The following ZPBP variants were observed in gnomAD, a reference collection of about 807,000 sequenced individuals.
The protein encoded by ZPBP is zona pellucida binding protein.
Under a neutral mutation model 44.8 loss-of-function variants are expected in ZPBP, and 26 were observed. That is an observed-to-expected ratio of 0.58 (90% CI 0.43 to 0.81). The LOEUF (loss-of-function observed/expected upper bound fraction) is 0.81. Ranked by LOEUF, ZPBP falls within the 30% of genes least tolerant of loss-of-function variation. ZPBP has a pLI of 0.00. For synonymous variants in ZPBP, 174 were observed against 153.2 expected (o/e 1.14, Z -1.00); for missense variants, 409 against 434.0 (o/e 0.94, Z 0.51).
At chr7:50,002,766 G>C (rs1417790696) in intron 6 of ZPBP, among the ~76,000 whole-genome samples, 1 of 152,152 alleles carries the variant, frequency 6.6e-6, no homozygotes, top group East Asian at 1.9e-4. Flanking sequence ...TACTTTAGAA[G>C]TCATAAAAGC....
chr7:49,888,836 G>A (rs1325666082), intron 2 of ZPBP, among the ~76,000 whole-genome samples: 1 of 152,082 alleles, frequency 6.6e-6, no homozygotes, highest in Non-Finnish European at 1.5e-5. Context: ...GCTTGAACTC[G>A]GGAGGCGGAG....
chr7:50,086,213 A>G (rs1399824107), intron 2 of ZPBP, among the ~76,000 whole-genome samples: 1 of 152,112 alleles, frequency 6.6e-6, no homozygotes, highest in East Asian at 1.9e-4. Flanking sequence ...AAACAGCAAC[A>G]ACATCACACT....
intron 1 of ZPBP, among the ~76,000 whole-genome samples, chr7:50,091,251 T>C (rs1438395612): frequency 6.6e-6 from 1 of 152,196 alleles, no homozygotes; most frequent in Non-Finnish European, 1.5e-5. Context: ...GATGTATATA[T>C]TGTGAAGGTT....
chr7:50,005,867 G>A (rs1798288569), intron 6 of ZPBP, among the ~76,000 whole-genome samples: 1 of 136,186 alleles, frequency 7.3e-6, no homozygotes, highest in South Asian at 2.3e-4. Flanking sequence ...GTGTGTGTGT[G>A]TTTTGCCTAC....
intron 3 of ZPBP, among the ~76,000 whole-genome samples, chr7:50,072,734 A>G (rs1801908500): frequency 6.6e-6 from 1 of 152,268 alleles, no homozygotes; most frequent in African/African-American, 2.4e-5. Context: ...AAGACCATCA[A>G]GGTAATACCT....
At chr7:49,893,330 T>C (rs1268971155) in intron 2 of ZPBP, among the ~76,000 whole-genome samples, 1 of 152,208 alleles carries the variant, frequency 6.6e-6, no homozygotes, top group Admixed American at 6.5e-5. Context: ...TATTCCTGCA[T>C]AGCACTCCCT....
chr7:49,855,774 C>A (rs1291044670), intron 2 of ZPBP, among the ~76,000 whole-genome samples: 1 of 152,170 alleles, frequency 6.6e-6, no homozygotes, highest in East Asian at 1.9e-4. Context: ...CAGAAGCCAG[C>A]CCAGCCCTCC....
intron 6 of ZPBP, among the ~76,000 whole-genome samples, chr7:50,014,323 G>T (rs756921988): frequency 6.6e-6 from 1 of 151,938 alleles, no homozygotes; most frequent in Non-Finnish European, 1.5e-5. Context: ...ACAAAAAATC[G>T]AAGTTAAAAA....
intron 2 of ZPBP, among the ~76,000 whole-genome samples, chr7:50,088,872 G>C (rs1802802097): frequency 7.2e-6 from 1 of 138,192 alleles, no homozygotes; most frequent in African/African-American, 2.8e-5. Flanking sequence ...TAAACATAGA[G>C]TTACTCATAG....
chr7:49,906,866 T>C (rs1793126984), intron 1 of ZPBP, among the ~76,000 whole-genome samples: 1 of 152,208 alleles, frequency 6.6e-6, no homozygotes, highest in Non-Finnish European at 1.5e-5. Context: ...TTTTTCCTCA[T>C]GAATACAGGC....
chr7:50,005,264 G>A (rs1045917432), intron 6 of ZPBP, among the ~76,000 whole-genome samples: 3 of 151,964 alleles, frequency 2.0e-5, no homozygotes, highest in African/African-American at 2.4e-5. Context: ...CCAGCAGAGT[G>A]TGTCTACTTG....
At chr7:49,881,355 T>C (rs948294327) in intron 2 of ZPBP, among the ~76,000 whole-genome samples, 1 of 152,248 alleles carries the variant, frequency 6.6e-6, no homozygotes, top group African/African-American at 2.4e-5. Flanking sequence ...ACTTGAGAAA[T>C]TCAAAAAAAC....
At chr7:49,858,968 G>A (rs1396293709) in intron 2 of ZPBP, among the ~76,000 whole-genome samples, 4 of 152,172 alleles carry the variant, frequency 2.6e-5, no homozygotes, top group Non-Finnish European at 2.9e-5. Flanking sequence ...ATCAGAATAT[G>A]TCAGGATATA....
chr7:49,965,618 T>G (rs958634401), intron 7 of ZPBP, among the ~76,000 whole-genome samples: 2 of 151,534 alleles, frequency 1.3e-5, no homozygotes, highest in African/African-American at 2.4e-5. Flanking sequence ...TACATGAGAG[T>G]TTTTTTGGTG....
chr7:50,065,592 G>A (rs1168020972), intron 3 of ZPBP, among the ~76,000 whole-genome samples: 2 of 150,760 alleles, frequency 1.3e-5, no homozygotes, highest in Non-Finnish European at 3.0e-5. Context: ...ACTGGGTTAG[G>A]TGAAGTGAAG....
intron 3 of ZPBP, among the ~76,000 whole-genome samples, chr7:50,067,317 AT>A (rs200538321): frequency 0.031 from 4,694 of 151,486 alleles, 88 homozygotes; most frequent in Middle Eastern, 0.061. Flanking sequence ...CTTGTACTTT[AT>A]TTTTTTACTT....
At chr7:49,884,194 G>A (rs1260847432) in intron 2 of ZPBP, among the ~76,000 whole-genome samples, 1 of 152,216 alleles carries the variant, frequency 6.6e-6, no homozygotes, top group East Asian at 1.9e-4. Flanking sequence ...GAAGGGTCCA[G>A]GCTGCTGGCT....
At chr7:50,050,685 AAAATTGAACCTGG>A (rs1403416209) in intron 4 of ZPBP, among the ~76,000 whole-genome samples, 1 of 151,650 alleles carries the variant, frequency 6.6e-6, no homozygotes, top group Non-Finnish European at 1.5e-5. Flanking sequence ...CCATATGCAG[AAAATTGAACCTGG>A]ACCCTTTCCT....
At chr7:50,047,563 T>C (rs3807318) in intron 4 of ZPBP, among the ~76,000 whole-genome samples, 40,640 of 151,202 alleles carry the variant, frequency 0.27, 6,077 homozygotes, top group Non-Finnish European at 0.35. Context: ...TAGCCTTACA[T>C]GATTTTTATG....
Sources: allele counts gnomAD v4.1 joint callset (sites outside exome capture counted in the v4.1 genomes callset), GRCh38; gene constraint gnomAD v4.1.1; transcripts MANE v1.5; gene names NCBI Gene and HGNC (gene_info 2026-07-23, HGNC 2026-07-21).